The following CCSER1 variants were observed in gnomAD, a reference collection of about 807,000 sequenced individuals.
CCSER1 encodes coiled-coil serine rich protein 1, also known as serine-rich coiled-coil domain-containing protein 1.
In CCSER1, 41 loss-of-function variants were observed where a neutral mutation model predicts 82.0. The observed-to-expected ratio is 0.50, with a 90% CI of 0.39 to 0.65. The LOEUF is 0.65. CCSER1 is among the 30% of genes least tolerant of loss of function. The probability of loss-of-function intolerance (pLI) is 0.00; values close to 1 mark genes in which losing one functional copy is unlikely to be tolerated. For synonymous variants in CCSER1, 414 were observed against 383.9 expected (o/e 1.08, Z -0.92); for missense variants, 1,119 against 1,064.2 (o/e 1.05, Z -0.72).
At chr4:91,416,289 T>C (rs1349572349) in intron 10 of CCSER1, among the ~76,000 whole-genome samples, 2 of 152,072 alleles carry the variant, frequency 1.3e-5, no homozygotes, top group Non-Finnish European at 2.9e-5. Context: ...GACGAATTTA[T>C]ACATTCAATG....
At chr4:90,394,774 C>T (rs1185696486) in intron 3 of CCSER1, among the ~76,000 whole-genome samples, 1 of 151,728 alleles carries the variant, frequency 6.6e-6, no homozygotes, top group African/African-American at 2.4e-5. Context: ...TTTTATGATT[C>T]TATGACATTT....
chr4:91,148,530 A>G (rs1285330344), intron 10 of CCSER1, among the ~76,000 whole-genome samples: 1 of 152,074 alleles, frequency 6.6e-6, no homozygotes, highest in East Asian at 1.9e-4. Context: ...TCATGTGCGC[A>G]ACGTGCAGGT....
At chr4:90,919,930 G>A (rs1049955571) in intron 8 of CCSER1, among the ~76,000 whole-genome samples, 33 of 151,718 alleles carry the variant, frequency 2.2e-4, no homozygotes, top group African/African-American at 6.8e-4. Flanking sequence ...AAAAATAAGC[G>A]GTGTATTTTG....
chr4:90,203,911 G>C (rs747727383), intron 1 of CCSER1, among the ~76,000 whole-genome samples: 31 of 152,092 alleles, frequency 2.0e-4, no homozygotes, highest in Non-Finnish European at 4.1e-4. Context: ...GTATCTCATT[G>C]TGGTTTTGAT....
At chr4:91,078,114 T>A (rs772819004) in intron 9 of CCSER1, among the ~76,000 whole-genome samples, 12 of 152,174 alleles carry the variant, frequency 7.9e-5, no homozygotes, top group Non-Finnish European at 1.3e-4. Context: ...AGCACAGAGT[T>A]TGGGATCTGA....
chr4:90,551,706 C>CTCTCTATATATATATATA, intron 5 of CCSER1, among the ~76,000 whole-genome samples: 20 of 104,230 alleles, frequency 1.9e-4, no homozygotes, highest in East Asian at 8.1e-4. Flanking sequence ...CTCTCTCTCT[C>CTCTCTATATATATATATA]TATATATATA....
rs573987551 is a variant in CCSER1, at chr4:91,411,283, G to A, written c.2218-187289G>A. 2.0e-5 allele frequency among the ~76,000 whole-genome samples: 3 copies of A among 151,324 alleles called. No individual in the cohort carries two copies. In the East Asian group the frequency reaches 5.9e-4, roughly 30 times the overall value. The stretch of plus-strand genomic sequence containing the variant: ...AAGTCCAACTGAAATGGCTGTACTA[G>A]AAGATTACTTAAGCCATCCTCATAG... On this transcript the variant is annotated intron_variant, in intron 10 of 10. Coordinates refer to ENST00000509176, the MANE Select transcript of CCSER1 (RefSeq NM_001145065.2).
At position 90,533,421 on chromosome 4, in the gene CCSER1, G is replaced by T. The variant is rs681740; in HGVS notation, c.1724+65067G>T. On this transcript the variant is annotated intron_variant, in intron 5 of 10. Coordinates refer to ENST00000509176, the MANE Select transcript of CCSER1 (RefSeq NM_001145065.2). The stretch of plus-strand genomic sequence containing the variant: ...CTCTCTGTTTTATCTGCTATTCTCA[G>T]ATTGTCTCACTGTGCTTCCCATAAT... Among the ~76,000 whole-genome samples the T allele has an allele frequency of 2.0e-5, 3 of 152,272 alleles. No individual in the cohort carries two copies. In the South Asian group the frequency reaches 6.2e-4, roughly 32 times the overall value.
Position 91,599,049 on chromosome 4 carries a change from G to A in CCSER1, c.2695G>A (p.Asp899Asn), listed in dbSNP as rs1295109364. ...TGAGCTGCAAACTCTAGGCCAGCAG[G>A]ATGGGTAATTAAATCACCGTATTCC... ...STELQTLGQQ[D>N]G is the part of the protein sequence containing the mutation. The change falls in exon 11 of 11, where the codon GAT becomes AAT. Residue 899 changes from aspartate to asparagine, a missense_variant. Transcript: ENST00000509176. The A allele has an allele frequency of 1.3e-6, 2 of 1,536,972 alleles. No individual in the cohort carries two copies. Among genetic ancestry groups the A allele is most frequent in the Non-Finnish European group, 8.8e-7 (1 of 1,136,778 alleles).
chr4:90,726,766 A>G lies in CCSER1; in HGVS notation c.2010+2775A>G, dbSNP rs148471138. The stretch of plus-strand genomic sequence containing the variant: ...TGGTGTAGCTAGCCTTTCAAAACTG[A>G]GGACATTTCACACAAAAATTCATCC... On this transcript the variant is annotated intron_variant, in intron 7 of 10. Transcript: ENST00000509176. Among the ~76,000 whole-genome samples, 885 of 152,222 alleles carry G rather than the reference A, an allele frequency of 5.8e-3. 7 individuals carry two copies. The highest frequency in any genetic ancestry group is 0.02 in the African/African-American group (851 of 41,548).
chr4:90,479,414 A>C (rs1020777126), intron 5 of CCSER1, among the ~76,000 whole-genome samples: 2 of 152,128 alleles, frequency 1.3e-5, no homozygotes, highest in African/African-American at 4.8e-5. Flanking sequence ...GTTTTAGGGT[A>C]CATGTGCACA....
intron 3 of CCSER1, among the ~76,000 whole-genome samples, chr4:90,385,059 A>G (rs1346463783): frequency 6.6e-6 from 1 of 152,116 alleles, no homozygotes. Context: ...AAAAGACATT[A>G]TTTCATTCTT....
chr4:90,841,879 C>T (rs993372688), intron 8 of CCSER1, among the ~76,000 whole-genome samples: 1 of 152,158 alleles, frequency 6.6e-6, no homozygotes, highest in Non-Finnish European at 1.5e-5. Flanking sequence ...TGTGGTTTCT[C>T]TTCTCAGTTA....
At chr4:91,104,291 C>T (rs1330871038) in intron 10 of CCSER1, among the ~76,000 whole-genome samples, 1 of 152,148 alleles carries the variant, frequency 6.6e-6, no homozygotes, top group Admixed American at 6.5e-5. Flanking sequence ...CCCTTTGAAG[C>T]ATGTGATATT....
At chr4:91,516,572 G>A (rs1219129653) in intron 10 of CCSER1, among the ~76,000 whole-genome samples, 10 of 152,064 alleles carry the variant, frequency 6.6e-5, no homozygotes, top group Middle Eastern at 3.2e-3. Context: ...CTATATGTCT[G>A]TTTTTTGTAT....
chr4:91,257,687 A>G (rs111449183), intron 10 of CCSER1, among the ~76,000 whole-genome samples: 2,673 of 152,222 alleles, frequency 0.018, 96 homozygotes, highest in African/African-American at 0.062. Context: ...TGTTGTAACC[A>G]CTCAATGAAC....
intron 10 of CCSER1, among the ~76,000 whole-genome samples, chr4:91,526,126 A>C (rs900526226): frequency 6.6e-6 from 1 of 152,050 alleles, no homozygotes; most frequent in Non-Finnish European, 1.5e-5. Flanking sequence ...AGAGACAGGC[A>C]CCCTTTTAAG....
chr4:90,336,930 G>A (rs188832480), intron 3 of CCSER1, among the ~76,000 whole-genome samples: 9 of 152,186 alleles, frequency 5.9e-5, no homozygotes, highest in Admixed American at 3.3e-4. Context: ...CTGGCCCTAA[G>A]CCTAAAATCA....
intron 8 of CCSER1, among the ~76,000 whole-genome samples, chr4:90,878,791 T>C (rs1720763792): frequency 6.6e-6 from 1 of 152,184 alleles, no homozygotes; most frequent in South Asian, 2.1e-4. Context: ...GATCAAATAT[T>C]TATGTCTGTA....
Sources: allele counts gnomAD v4.1 joint callset (sites outside exome capture counted in the v4.1 genomes callset), GRCh38; gene constraint gnomAD v4.1.1; transcripts MANE v1.5; gene names NCBI Gene and HGNC (gene_info 2026-07-23, HGNC 2026-07-21).